The following STXBP5L variants were observed in gnomAD, a reference collection of about 807,000 sequenced individuals.
The protein encoded by STXBP5L is syntaxin-binding protein 5-like.
STXBP5L carries 65 observed loss-of-function variants against 144.5 expected under a neutral mutation model. The observed-to-expected ratio is 0.45, with a 90% confidence interval of 0.37 to 0.55. The LOEUF (loss-of-function observed/expected upper bound fraction) is 0.55, where lower values mean the gene tolerates loss of function less well. STXBP5L is among the 20% of genes least tolerant of loss of function. The pLI is 0.00. For synonymous variants in STXBP5L, 505 were observed against 469.6 expected, an observed-to-expected ratio of 1.08 and a Z score of -0.97; for missense variants, 1,298 against 1,405.5, an observed-to-expected ratio of 0.92 and a Z score of 1.22.
In STXBP5L at chr3:121,036,243, G is replaced by C. The variant is rs1239388279; in HGVS notation, c.288-5457G>C. ...ACTTACTTGGGAAGCTGAGGCAGGAGAATCGCTTGAACCCAGGAGGCAGAG... is the reference window on the plus strand; with the variant it reads ...ACTTACTTGGGAAGCTGAGGCAGGACAATCGCTTGAACCCAGGAGGCAGAG... On this transcript the variant is annotated intron_variant, in intron 3 of 26. Transcript: ENST00000471454. Among the ~76,000 whole-genome samples, 93 of 152,108 alleles carry C rather than the reference G, an allele frequency of 6.1e-4. 1 individual carries two copies. The highest frequency in any genetic ancestry group is 6.1e-3 in the Admixed American group (93 of 15,258).
chr3:121,261,731 A>C (rs977753197), intron 18 of STXBP5L, among the ~76,000 whole-genome samples: 3 of 152,230 alleles, frequency 2.0e-5, no homozygotes, highest in Non-Finnish European at 4.4e-5. Flanking sequence ...TTATGACTTC[A>C]AAAGAAACTA....
intron 16 of STXBP5L, among the ~76,000 whole-genome samples, chr3:121,255,907 T>C (rs955462215): frequency 6.6e-6 from 1 of 152,120 alleles, no homozygotes; most frequent in Admixed American, 6.5e-5. Flanking sequence ...TTATTTACTA[T>C]AGGCCTGGGT....
chr3:120,991,055 G>T (rs1476709184), intron 3 of STXBP5L, among the ~76,000 whole-genome samples: 1 of 151,858 alleles, frequency 6.6e-6, no homozygotes, highest in Non-Finnish European at 1.5e-5. Flanking sequence ...CCTACAGAAT[G>T]GGAGAAAATT....
intron 9 of STXBP5L, among the ~76,000 whole-genome samples, chr3:121,186,312 G>T (rs2108132546): frequency 6.6e-6 from 1 of 152,252 alleles, no homozygotes; most frequent in East Asian, 1.9e-4. Flanking sequence ...TGATAGCCCT[G>T]GCCAGAACTT....
At chr3:121,063,447 G>T (rs982480454) in intron 5 of STXBP5L, among the ~76,000 whole-genome samples, 1 of 152,206 alleles carries the variant, frequency 6.6e-6, no homozygotes, top group Non-Finnish European at 1.5e-5. Context: ...CTGCTGGGAG[G>T]TGTCTCCCAG....
intron 5 of STXBP5L, among the ~76,000 whole-genome samples, chr3:121,103,231 A>G (rs909765886): frequency 1.3e-5 from 2 of 152,050 alleles, no homozygotes; most frequent in Non-Finnish European, 2.9e-5. Flanking sequence ...TTCTACCAAA[A>G]TGTCACATGT....
chr3:121,261,587 A>G (rs2050384076), intron 18 of STXBP5L, among the ~76,000 whole-genome samples: 2 of 152,198 alleles, frequency 1.3e-5, no homozygotes, highest in Admixed American at 1.3e-4. Context: ...GGTTTACACC[A>G]GGAATTCAAA....
At chr3:121,285,990 G>T (rs1406581186) in intron 19 of STXBP5L, among the ~76,000 whole-genome samples, 1 of 152,094 alleles carries the variant, frequency 6.6e-6, no homozygotes, top group Admixed American at 6.5e-5. Flanking sequence ...TCAGGCTGCT[G>T]CCTCATTGCC....
chr3:121,368,713 G>C (rs1370950934), intron 20 of STXBP5L, among the ~76,000 whole-genome samples: 1 of 152,012 alleles, frequency 6.6e-6, no homozygotes, highest in Non-Finnish European at 1.5e-5. Flanking sequence ...GACTGGTCTG[G>C]GGTGTAATCT....
At chr3:120,984,225 T>C (rs1942072930) in intron 3 of STXBP5L, among the ~76,000 whole-genome samples, 1 of 152,234 alleles carries the variant, frequency 6.6e-6, no homozygotes, top group African/African-American at 2.4e-5. Context: ...AGTGACATTA[T>C]GCCAGCTTGG....
At chr3:121,064,837 G>A (rs577740693) in intron 5 of STXBP5L, among the ~76,000 whole-genome samples, 2 of 152,078 alleles carry the variant, frequency 1.3e-5, no homozygotes, top group African/African-American at 4.8e-5. Context: ...GGATCCTGTC[G>A]CCCAGGTGGT....
At chr3:121,130,434 G>C (rs765574493) in intron 7 of STXBP5L, among the ~76,000 whole-genome samples, 1 of 152,108 alleles carries the variant, frequency 6.6e-6, no homozygotes, top group Admixed American at 6.6e-5. Context: ...AAAGCTATTA[G>C]TGAATTAGAT....
At chr3:121,013,417 G>T (rs1944922816) in intron 3 of STXBP5L, among the ~76,000 whole-genome samples, 1 of 151,920 alleles carries the variant, frequency 6.6e-6, no homozygotes, top group South Asian at 2.1e-4. Flanking sequence ...TCATATTGTG[G>T]TTTTAATTTG....
In STXBP5L at chr3:121,418,524, C is replaced by T. The variant is rs772908499; in HGVS notation, c.3414C>T (p.Thr1138=). 6.2e-7 allele frequency: 1 copy of T among 1,613,978 alleles called. No homozygotes were observed. Among genetic ancestry groups the T allele is most frequent in the South Asian group, 1.1e-5 (1 of 91,076 alleles). Residue 1138 remains threonine, a synonymous_variant, in exon 26 of 27, where the codon ACC becomes ACT. Transcript: ENST00000471454. ...ELEEKTAGMM[T]SAEAFSKHAH... ...AAGAGAAAACTGCAGGCATGATGACCAGTGCAGAAGCATTTTCCAAACATG... is the reference window on the plus strand; with the variant it reads ...AAGAGAAAACTGCAGGCATGATGACTAGTGCAGAAGCATTTTCCAAACATG...
intron 3 of STXBP5L, among the ~76,000 whole-genome samples, chr3:120,971,875 C>T (rs57695248): frequency 6.6e-6 from 1 of 151,670 alleles, no homozygotes; most frequent in East Asian, 1.9e-4. Context: ...CATGCATGCA[C>T]ACACACACAG....
Position 121,223,036 on chromosome 3 carries a change from C to T in STXBP5L, c.990C>T (p.Ser330=), listed in dbSNP as rs535725124. ...EPFIIFSGGL[S]YDKACRRPSL... ...TCATAATATTCTCTGGTGGGCTGTC[C>T]TATGACAAAGCTTGTAGAAGACCAA... is the stretch of plus-strand genomic sequence containing the variant. Residue 330 remains serine (S), a synonymous_variant, in exon 11 of 27, where the codon TCC becomes TCT. Transcript: ENST00000471454. 3.1e-6 allele frequency: 5 copies of T among 1,611,518 alleles called. No homozygotes were observed. In the South Asian group the frequency reaches 4.4e-5, roughly 14 times the overall value.
chr3:120,953,573 A>T (rs188276928), intron 2 of STXBP5L, among the ~76,000 whole-genome samples: 1 of 151,220 alleles, frequency 6.6e-6, no homozygotes, highest in African/African-American at 2.4e-5. Context: ...CCTGAACTCA[A>T]GCAATCCTCC....
chr3:121,160,131 T>C (rs1272722920), intron 9 of STXBP5L, among the ~76,000 whole-genome samples: 2 of 152,210 alleles, frequency 1.3e-5, no homozygotes, highest in African/African-American at 4.8e-5. Context: ...GTCAGGGTAG[T>C]TGATGGTGTT....
intron 11 of STXBP5L, among the ~76,000 whole-genome samples, chr3:121,230,392 A>G (rs561851165): frequency 3.3e-5 from 5 of 151,910 alleles, no homozygotes; most frequent in Admixed American, 3.3e-4. Context: ...TCATCTATTT[A>G]TAAGCCAATT....
Sources: allele counts gnomAD v4.1 joint callset (sites outside exome capture counted in the v4.1 genomes callset), GRCh38; gene constraint gnomAD v4.1.1; transcripts MANE v1.5; gene names NCBI Gene and HGNC (gene_info 2026-07-23, HGNC 2026-07-21).